The following GARIN1A variants were observed in gnomAD, a reference collection of about 807,000 sequenced individuals.
GARIN1A encodes the protein golgi associated RAB2 interactor 1A, also known as Golgi-associated RAB2 interactor protein 1A.
the GARIN1A span, among the ~76,000 whole-genome samples, chr7:128,690,227 T>C: frequency 8.5e-5 from 13 of 152,142 alleles, no homozygotes; most frequent in South Asian, 4.1e-4. Context: ...TTAAGAGTCA[T>C]CACCACTCCC....
the GARIN1A span, among the ~76,000 whole-genome samples, chr7:128,676,123 C>T: frequency 6.6e-6 from 1 of 151,244 alleles, no homozygotes; most frequent in African/African-American, 2.4e-5. Context: ...GGGTTCACGC[C>T]ATTCACCGAG....
the GARIN1A span, among the ~76,000 whole-genome samples, chr7:128,702,449 C>T: frequency 6.6e-6 from 1 of 152,038 alleles, no homozygotes; most frequent in South Asian, 2.1e-4. Flanking sequence ...ATGTTATTTG[C>T]AGTTGGATTT....
chr7:128,672,224 T>G, the GARIN1A span: 1 of 552,586 alleles, frequency 1.8e-6, no homozygotes, highest in East Asian at 3.1e-5. Context: ...CATTCCTTGA[T>G]GTCATTCCTG....
chr7:128,675,708 G>A, the GARIN1A span: 3 of 1,613,892 alleles, frequency 1.9e-6, no homozygotes, highest in South Asian at 3.3e-5. Flanking sequence ...AGATGTCTGT[G>A]AAGGGTCTGC....
the GARIN1A span, chr7:128,683,304 T>A: frequency 1.6e-6 from 1 of 609,894 alleles, no homozygotes; most frequent in African/African-American, 1.9e-5. Flanking sequence ...ACCAATAAAC[T>A]TCCAAGTGAG....
At chr7:128,674,752 A>G in the GARIN1A span, among the ~76,000 whole-genome samples, 10 of 152,078 alleles carry the variant, frequency 6.6e-5, no homozygotes, top group African/African-American at 2.2e-4. Context: ...GCTTTCCCTC[A>G]TCCCCAGTTC....
the GARIN1A span, chr7:128,672,560 TG>T: frequency 6.4e-7 from 1 of 1,557,970 alleles, no homozygotes. Flanking sequence ...GGTACCCTCG[TG>T]GAGCTCAGGG....
At chr7:128,679,114 A>G in the GARIN1A span, among the ~76,000 whole-genome samples, 4 of 151,522 alleles carry the variant, frequency 2.6e-5, no homozygotes, top group South Asian at 2.1e-4. Flanking sequence ...TATTAATGCC[A>G]TATATATGGC....
the GARIN1A span, among the ~76,000 whole-genome samples, chr7:128,689,436 C>T: frequency 3.9e-5 from 6 of 152,020 alleles, no homozygotes; most frequent in Non-Finnish European, 5.9e-5. Context: ...GCGCCTCTGC[C>T]CGGCCGTGAC....
chr7:128,679,970 C>T, the GARIN1A span: 8 of 991,516 alleles, frequency 8.1e-6, no homozygotes, highest in African/African-American at 5.0e-5. Flanking sequence ...AGTTCTACCC[C>T]GAGGAGGCCA....
the GARIN1A span, chr7:128,675,946 A>G: frequency 1.0e-6 from 1 of 969,216 alleles, no homozygotes; most frequent in Non-Finnish European, 1.6e-6. Context: ...TCAAAAGAAA[A>G]GATAGCGTTC....
At chr7:128,699,419 C>G in the GARIN1A span, among the ~76,000 whole-genome samples, 2,757 of 152,204 alleles carry the variant, frequency 0.018, 45 homozygotes, top group Non-Finnish European at 0.025. Context: ...TGAAGTGACT[C>G]AAGCCTCTAG....
At chr7:128,707,658 G>T in the GARIN1A span, among the ~76,000 whole-genome samples, 4 of 152,032 alleles carry the variant, frequency 2.6e-5, no homozygotes, top group African/African-American at 7.2e-5. Flanking sequence ...TCACTATGTT[G>T]CCCAGGCTAG....
the GARIN1A span, among the ~76,000 whole-genome samples, chr7:128,702,142 G>C: frequency 3.9e-5 from 6 of 152,126 alleles, no homozygotes. Context: ...CAGCAGACCA[G>C]CTCTACAAGA....
the GARIN1A span, among the ~76,000 whole-genome samples, chr7:128,674,751 C>T: frequency 6.6e-6 from 1 of 152,132 alleles, no homozygotes; most frequent in Non-Finnish European, 1.5e-5. Flanking sequence ...GGCTTTCCCT[C>T]ATCCCCAGTT....
the GARIN1A span, among the ~76,000 whole-genome samples, chr7:128,695,375 C>G: frequency 5.3e-5 from 8 of 152,288 alleles, no homozygotes; most frequent in Non-Finnish European, 2.9e-5. This position sits in a 1 kb window ranked among gnomAD's most constrained non-coding sequence, Gnocchi z 4.5. Flanking sequence ...TTTCAGCAGA[C>G]TGACAATGAA....
the GARIN1A span, among the ~76,000 whole-genome samples, chr7:128,708,346 G>A: frequency 6.6e-6 from 1 of 151,898 alleles, no homozygotes; most frequent in Non-Finnish European, 1.5e-5. Flanking sequence ...CTTTTTTAAG[G>A]CTGAGTGTCT....
chr7:128,684,725 A>G, the GARIN1A span: 43,197 of 151,764 alleles, frequency 0.28, 6,436 homozygotes, highest in Admixed American at 0.37. Context: ...TAATGAAAAC[A>G]TGGTGAGGAA....
chr7:128,705,660 T>G, the GARIN1A span, among the ~76,000 whole-genome samples: 11 of 46,070 alleles, frequency 2.4e-4, no homozygotes, highest in East Asian at 0.027. Flanking sequence ...TTGGTGTTTT[T>G]TTTTTTTTTT....
Sources: gnomAD v4.1 joint callset for allele counts (sites outside exome capture counted in the v4.1 genomes callset) on GRCh38, gnomAD v4.1.1 for gene constraint, Gnocchi (gnomAD v3.1) non-coding constraint, MANE v1.5 for transcripts, NCBI Gene and HGNC (gene_info 2026-07-23, HGNC 2026-07-21) for gene names.